NEBL: variants seen among roughly 807,000 people sequenced by gnomAD.
NEBL encodes the protein nebulette, also known as LIM and SH3 protein 2.
A neutral mutation model predicts 140.2 loss-of-function variants in NEBL; 122 were observed. The observed-to-expected ratio is 0.87, with a 90% CI of 0.75 to 1.01. NEBL has a LOEUF of 1.01. NEBL is among the 50% of genes least tolerant of loss of function. The pLI, the probability that NEBL is intolerant of heterozygous loss-of-function variation, is 0.00. For synonymous variants in NEBL, 436 were observed against 398.9 expected (o/e 1.09, Z -1.11); for missense variants, 1,365 against 1,231.3 (o/e 1.11, Z -1.62).
At chr10:20,820,480 G>A (rs1032101415) in intron 19 of NEBL, among the ~76,000 whole-genome samples, 1 of 152,210 alleles carries the variant, frequency 6.6e-6, no homozygotes, top group East Asian at 1.9e-4. Context: ...GCTCAGGTTA[G>A]GGAATTTTCT....
intron 26 of NEBL, among the ~76,000 whole-genome samples, chr10:20,796,467 T>C (rs942320285): frequency 3.3e-5 from 5 of 151,742 alleles, no homozygotes; most frequent in African/African-American, 1.2e-4. Context: ...TAGTTGTATT[T>C]TTAATTTTCC....
chr10:20,846,677 G>A (rs74120701), intron 11 of NEBL, among the ~76,000 whole-genome samples: 3,495 of 152,136 alleles, frequency 0.023, 153 homozygotes, highest in African/African-American at 0.079. Flanking sequence ...GGCATCTCTA[G>A]GCTAAAAAGG....
rs1838086228 is a variant in NEBL, at chr10:21,112,748, AAAAAAAG to A, written c.164+59628_164+59634del. The A allele has an allele frequency of 3.1e-5, 5 of 159,584 alleles. No homozygotes were observed. The South Asian group carries it at 9.5e-4, about 30-fold the overall frequency. The allele number at this position is 159,584 out of a possible 1,614,324, so 9.9% of individuals were successfully genotyped here. On this transcript the variant is annotated intron_variant, in intron 2 of 6. Transcript: ENST00000417816. ...CTAGAACTTAAAGTATAATAAAAAA[AAAAAAAG>A]AAAAAGAAAAAAATTGAAAATGTCT...
intron 17 of NEBL, among the ~76,000 whole-genome samples, chr10:20,827,153 A>G (rs1312878771): frequency 1.3e-5 from 2 of 152,218 alleles, no homozygotes; most frequent in Non-Finnish European, 2.9e-5. Flanking sequence ...CCTCGTTATG[A>G]GTACTCTGCA....
At chr10:21,147,396 G>GT (rs575290796) in intron 2 of NEBL, among the ~76,000 whole-genome samples, 8,346 of 131,260 alleles carry the variant, frequency 0.064, 808 homozygotes, top group African/African-American at 0.21. Context: ...TTCTCCTCCG[G>GT]TTTTTTTTTT....
Position 20,876,631 on chromosome 10 carries a change from T to G in NEBL, c.480+4163A>C, listed in dbSNP as rs117937050. On this transcript the variant is annotated intron_variant, in intron 5 of 27. Coordinates refer to ENST00000377122, the MANE Select transcript of NEBL (RefSeq NM_006393.3). ...TCCCACGCTGAATACTTCTTTCTAA[T>G]ACACATTGAATCGACTACCAATATG... Among the ~76,000 whole-genome samples, 160 of 152,312 alleles carry G rather than the reference T, an allele frequency of 1.1e-3. 3 individuals carry two copies. In the East Asian group the frequency reaches 0.03, roughly 29 times the overall value.
At chr10:21,087,367 T>A (rs550159351) in intron 2 of NEBL, among the ~76,000 whole-genome samples, 12 of 152,330 alleles carry the variant, frequency 7.9e-5, no homozygotes, top group African/African-American at 2.6e-4. Flanking sequence ...AGCTTTTTTT[T>A]ATTGATGACC....
chr10:21,109,594 C>T (rs1393547904), intron 2 of NEBL, among the ~76,000 whole-genome samples: 1 of 152,050 alleles, frequency 6.6e-6, no homozygotes, highest in Non-Finnish European at 1.5e-5. Flanking sequence ...CTCTTTGTAT[C>T]TTTGGTAGAA....
Position 20,786,794 on chromosome 10 carries a change from A to G in NEBL, c.2868+408T>C, listed in dbSNP as rs182479041. Among the ~76,000 whole-genome samples the G allele has an allele frequency of 3.9e-3, 597 of 152,344 alleles. 4 individuals carry two copies. The highest frequency in any genetic ancestry group is 0.014 in the African/African-American group (564 of 41,586). ...ATGAACCAGTTCTTCAAGATTTCCA[A>G]TGGGGGATTTGAAGATATATTTTGG... is the stretch of plus-strand genomic sequence containing the variant. On this transcript the variant is annotated intron_variant, in intron 27 of 27. Transcript: ENST00000377122.
At chr10:20,916,965 G>A (rs2131485203) in intron 4 of NEBL, among the ~76,000 whole-genome samples, 1 of 152,214 alleles carries the variant, frequency 6.6e-6, no homozygotes, top group South Asian at 2.1e-4. Context: ...CAAAGCATGT[G>A]CATATAATTT....
intron 3 of NEBL, among the ~76,000 whole-genome samples, chr10:21,192,500 T>C (rs1841589559): frequency 6.8e-6 from 1 of 146,202 alleles, no homozygotes; most frequent in Non-Finnish European, 1.5e-5. Context: ...CCAATAGACA[T>C]TTTTTTTTAA....
intron 3 of NEBL, among the ~76,000 whole-genome samples, chr10:20,968,507 T>A (rs142832161): frequency 1.3e-5 from 2 of 151,966 alleles, no homozygotes; most frequent in Non-Finnish European, 2.9e-5. Context: ...CAAGACCCCA[T>A]CTCTAAAATA....
At chr10:20,788,838 G>A (rs1216792396) in intron 26 of NEBL, among the ~76,000 whole-genome samples, 2 of 152,070 alleles carry the variant, frequency 1.3e-5, no homozygotes, top group Non-Finnish European at 2.9e-5. Flanking sequence ...AGATCTCCAG[G>A]CCCACTTAAT....
chr10:20,869,095 C>G (rs1297382209), intron 6 of NEBL, among the ~76,000 whole-genome samples: 1 of 150,754 alleles, frequency 6.6e-6, no homozygotes, highest in Non-Finnish European at 1.5e-5. Context: ...ATATAGGTAG[C>G]TTTTATAGTT....
intron 17 of NEBL, 51 bp downstream of exon 17, chr10:20,828,479 T>C (rs1185861747): frequency 7.8e-7 from 1 of 1,273,986 alleles, no homozygotes. Context: ...GACCATTTCT[T>C]ACAAAACAAA....
chr10:20,964,977 C>G (rs543913282), intron 3 of NEBL, among the ~76,000 whole-genome samples: 1 of 152,320 alleles, frequency 6.6e-6, no homozygotes, highest in African/African-American at 2.4e-5. Flanking sequence ...TGACAAGGCT[C>G]CCAGTAAATA....
rs548773245 is a variant in NEBL, at chr10:20,922,205, C to T, written c.357+39467G>A. ...GCAACTCTGCTCTGCATCAGCCAGG[C>T]TGTGACTCTGGCTGAGAATTAAATG... On this transcript the variant is annotated intron_variant, in intron 4 of 6. Transcript: ENST00000417816. Among the ~76,000 whole-genome samples, 6 of 152,302 alleles carry T rather than the reference C, an allele frequency of 3.9e-5. No individual in the cohort carries two copies. The East Asian group carries it at 1.2e-3, about 29-fold the overall frequency.
chr10:21,081,396 C>A (rs1236515689), intron 2 of NEBL, among the ~76,000 whole-genome samples: 1 of 152,062 alleles, frequency 6.6e-6, no homozygotes, highest in Non-Finnish European at 1.5e-5. Flanking sequence ...GAGGGTTGAT[C>A]AAATAAGTAA....
At position 21,093,150 on chromosome 10, in the gene NEBL, C is replaced by CTTTTTTTTTTTTTTTTTTTTTT. The variant is rs4025884; in HGVS notation, c.165-72950_165-72949insAAAAAAAAAAAAAAAAAAAAAA. 3.7e-4 allele frequency among the ~76,000 whole-genome samples: 35 copies of CTTTTTTTTTTTTTTTTTTTTTT among 95,026 alleles called. 3 individuals carry two copies. The highest frequency in any genetic ancestry group is 4.3e-4 in the African/African-American group (10 of 23,292). 62.3% of individuals were successfully genotyped at this position (95,026 alleles called of 152,430 possible). On this transcript the variant is annotated intron_variant, in intron 2 of 6. Coordinates refer to the NEBL transcript ENST00000417816. ...TACTTTTATTCATTTAGCAACAAGT[C>CTTTTTTTTTTTTTTTTTTTTTT]TTTTTTTTTTTTTTTCCATTTTAGC... is the stretch of plus-strand genomic sequence containing the variant.
Sources: gnomAD v4.1 joint callset for allele counts (sites outside exome capture counted in the v4.1 genomes callset) on GRCh38, gnomAD v4.1.1 for gene constraint, MANE v1.5 for transcripts, NCBI Gene and HGNC (gene_info 2026-07-23, HGNC 2026-07-21) for gene names.